The following CCDC146 variants were observed in gnomAD, a reference collection of about 807,000 sequenced individuals.
CCDC146 encodes the protein coiled-coil domain-containing protein 146.
In CCDC146, 92 loss-of-function variants were observed where a neutral mutation model predicts 119.3. The observed-to-expected ratio is 0.77, with a 90% CI of 0.65 to 0.92. The LOEUF (loss-of-function observed/expected upper bound fraction) is 0.92. CCDC146 is among the 40% of genes least tolerant of loss of function. CCDC146 has a pLI of 0.00. For synonymous variants in CCDC146, 372 were observed against 371.8 expected, an observed-to-expected ratio of 1.00 and a Z score of -0.01; for missense variants, 1,000 against 1,103.0, an observed-to-expected ratio of 0.91 and a Z score of 1.32.
chr7:77,249,229 C>T (rs1793011402), intron 4 of CCDC146, among the ~76,000 whole-genome samples: 1 of 152,122 alleles, frequency 6.6e-6, no homozygotes, highest in Non-Finnish European at 1.5e-5. Context: ...CTGTGGCTGT[C>T]ACCTGTAATC....
chr7:77,224,449 G>C (rs1223300142), intron 2 of CCDC146, among the ~76,000 whole-genome samples: 1 of 152,098 alleles, frequency 6.6e-6, no homozygotes, highest in Non-Finnish European at 1.5e-5. Context: ...TCACATGATT[G>C]GATTGGGCTC....
chr7:77,216,534 G>C (rs1203630308), intron 2 of CCDC146, among the ~76,000 whole-genome samples: 2 of 152,082 alleles, frequency 1.3e-5, no homozygotes, highest in Non-Finnish European at 2.9e-5. Context: ...GATGGAAATG[G>C]ACCCCTCTTA....
At chr7:77,262,029 A>C in intron 8 of CCDC146, 92 bp from the exon 9 acceptor site, 1 of 1,049,082 alleles carries the variant, frequency 9.5e-7, no homozygotes, top group Non-Finnish European at 1.4e-6. Flanking sequence ...ATTGGGAGCC[A>C]ATATTCAGCA....
At chr7:77,250,214 T>A (rs1341334154) in intron 4 of CCDC146, among the ~76,000 whole-genome samples, 1 of 152,224 alleles carries the variant, frequency 6.6e-6, no homozygotes, top group African/African-American at 2.4e-5. Context: ...TTGAACAGTG[T>A]TATCGAGTAT....
chr7:77,179,719 AC>A (rs1344492586), intron 2 of CCDC146, among the ~76,000 whole-genome samples: 1 of 152,112 alleles, frequency 6.6e-6, no homozygotes, highest in East Asian at 1.9e-4. Flanking sequence ...TTCAAAAAAA[AC>A]CTTTGTGATA....
chr7:77,153,349 A>G (rs1311568225), intron 1 of CCDC146, among the ~76,000 whole-genome samples: 1 of 152,062 alleles, frequency 6.6e-6, no homozygotes, highest in Non-Finnish European at 1.5e-5. Context: ...AGATATATAC[A>G]CTAGTATTGT....
intron 5 of CCDC146, among the ~76,000 whole-genome samples, chr7:77,254,975 G>A (rs771620720): frequency 7.2e-5 from 11 of 152,166 alleles, no homozygotes; most frequent in Non-Finnish European, 1.5e-4. Context: ...AGAACTTAGT[G>A]GCTTAAAACA....
At chr7:77,226,377 C>G (rs1792514537) in intron 2 of CCDC146, among the ~76,000 whole-genome samples, 1 of 152,204 alleles carries the variant, frequency 6.6e-6, no homozygotes, top group South Asian at 2.1e-4. Context: ...CCACCTTGGA[C>G]AAATCCAGGT....
At chr7:77,123,850 C>T (rs1790659127) in intron 1 of CCDC146, among the ~76,000 whole-genome samples, 1 of 152,220 alleles carries the variant, frequency 6.6e-6, no homozygotes, top group Non-Finnish European at 1.5e-5. Flanking sequence ...CCTTATTCTT[C>T]TTTCGGTGAA....
chr7:77,204,916 C>T (rs112803468), intron 2 of CCDC146, among the ~76,000 whole-genome samples: 2,252 of 152,222 alleles, frequency 0.015, 52 homozygotes, highest in African/African-American at 0.051. Context: ...GCCAGAAATT[C>T]AAGACCAGCT....
intron 2 of CCDC146, among the ~76,000 whole-genome samples, chr7:77,185,263 G>C (rs1791649100): frequency 6.6e-6 from 1 of 151,932 alleles, no homozygotes; most frequent in Admixed American, 6.6e-5. Context: ...AAGAATCTCT[G>C]AACAAAAATT....
intron 13 of CCDC146, among the ~76,000 whole-genome samples, chr7:77,279,665 C>T (rs890035438): frequency 3.9e-5 from 6 of 152,222 alleles, no homozygotes; most frequent in African/African-American, 1.4e-4. Flanking sequence ...TAACCTTGGA[C>T]AAGCTGCTTT....
At chr7:77,173,588 C>T (rs1300840116) in intron 2 of CCDC146, among the ~76,000 whole-genome samples, 3 of 152,164 alleles carry the variant, frequency 2.0e-5, no homozygotes, top group African/African-American at 7.2e-5. Flanking sequence ...CAGATCACAC[C>T]ATTGTGCTCC....
chr7:77,243,587 G>A (rs1000904985), intron 4 of CCDC146, among the ~76,000 whole-genome samples: 5 of 152,076 alleles, frequency 3.3e-5, no homozygotes, highest in African/African-American at 7.2e-5. Flanking sequence ...TGGTGGTCCC[G>A]TAACATTATA....
intron 2 of CCDC146, among the ~76,000 whole-genome samples, chr7:77,206,652 T>C (rs1399188796): frequency 3.7e-5 from 2 of 53,626 alleles, no homozygotes; most frequent in African/African-American, 3.2e-4. Flanking sequence ...AACATACATA[T>C]ATATATATAT....
chr7:77,229,885 T>C (rs74357978), intron 2 of CCDC146, among the ~76,000 whole-genome samples: 11,122 of 151,614 alleles, frequency 0.073, 742 homozygotes, highest in East Asian at 0.28. Context: ...TGTATAATCA[T>C]GGCATAATTG....
intron 17 of CCDC146, among the ~76,000 whole-genome samples, chr7:77,291,330 C>G (rs374492160): frequency 1.4e-4 from 21 of 151,592 alleles, no homozygotes; most frequent in Non-Finnish European, 2.2e-4. Context: ...TTACTTCTTT[C>G]CTGACTCTTG....
At chr7:77,227,500 T>A (rs1161650415) in intron 2 of CCDC146, among the ~76,000 whole-genome samples, 1 of 151,986 alleles carries the variant, frequency 6.6e-6, no homozygotes, top group East Asian at 1.9e-4. Context: ...AGAGACGGGG[T>A]TTCACCGTGT....
chr7:77,126,317 G>T (rs1227028042), intron 1 of CCDC146, among the ~76,000 whole-genome samples: 1 of 152,078 alleles, frequency 6.6e-6, no homozygotes, highest in Non-Finnish European at 1.5e-5. Flanking sequence ...TTGTCAGGGA[G>T]TTTTGGGTTG....
Sources: gnomAD v4.1 joint callset for allele counts (sites outside exome capture counted in the v4.1 genomes callset) on GRCh38, gnomAD v4.1.1 for gene constraint, MANE v1.5 for transcripts, NCBI Gene and HGNC (gene_info 2026-07-23, HGNC 2026-07-21) for gene names.